NAA11: variants seen among roughly 807,000 people sequenced by gnomAD.
NAA11 encodes the protein N-alpha-acetyltransferase 11, NatA catalytic subunit.
A neutral mutation model predicts 16.1 loss-of-function variants in NAA11; 15 were observed. That is an observed-to-expected ratio of 0.93 (90% CI 0.62 to 1.44). The LOEUF (loss-of-function observed/expected upper bound fraction) is 1.44, where lower values mean the gene tolerates loss of function less well. NAA11 is among the 40% of genes most tolerant of loss of function. The pLI, the probability that NAA11 is intolerant of heterozygous loss-of-function variation, is 0.00. For missense variants in NAA11, 298 were observed against 291.3 expected (o/e 1.02, Z -0.17); for synonymous variants, 122 against 112.4 (o/e 1.09, Z -0.54).
At chr4:79,256,463 G>A (rs575784592) in intron 2 of NAA11, among the ~76,000 whole-genome samples, 66 of 151,852 alleles carry the variant, frequency 4.3e-4, no homozygotes, top group Non-Finnish European at 7.2e-4. Flanking sequence ...GACACTGGTT[G>A]CACCCCTTTG....
At chr4:79,193,543 C>A in the NAA11 span, among the ~76,000 whole-genome samples, 1 of 151,998 alleles carries the variant, frequency 6.6e-6, no homozygotes, top group African/African-American at 2.4e-5. Flanking sequence ...TGTAGATATG[C>A]AGCATTATTT....
chr4:79,169,358 C>T, the NAA11 span, among the ~76,000 whole-genome samples: 1 of 152,114 alleles, frequency 6.6e-6, no homozygotes, highest in Admixed American at 6.5e-5. Flanking sequence ...TCAAACTATA[C>T]TACAAGGCTA....
At position 79,252,221 on chromosome 4, in the gene NAA11, T is replaced by C. The variant is rs146235196; in HGVS notation, c.*123-25951A>G. ...GGAGGGGGAATGAGTGATGAAAAAT[T>C]ACCTACTGGGTACGATGGATACTAC... On this transcript the variant is annotated intron_variant and NMD_transcript_variant, in intron 2 of 2. Coordinates refer to the NAA11 transcript ENST00000511542. 2.4e-3 allele frequency among the ~76,000 whole-genome samples: 368 copies of C among 152,236 alleles called. 4 individuals carry two copies. The highest frequency in any genetic ancestry group is 8.4e-3 in the African/African-American group (347 of 41,530).
the NAA11 span, chr4:79,211,879 C>T: frequency 6.6e-6 from 1 of 152,174 alleles, no homozygotes; most frequent in South Asian, 2.1e-4. Context: ...TGGTAAACTT[C>T]CCCAAAGTTG....
intron 2 of NAA11, among the ~76,000 whole-genome samples, chr4:79,234,476 A>C (rs1033729225): frequency 6.6e-6 from 1 of 152,174 alleles, no homozygotes; most frequent in African/African-American, 2.4e-5. Flanking sequence ...AACTACAGTC[A>C]GGTACTTTGC....
chr4:79,167,901 G>A, the NAA11 span, among the ~76,000 whole-genome samples: 159 of 151,760 alleles, frequency 1.0e-3, no homozygotes, highest in Middle Eastern at 0.01. Flanking sequence ...CTTTAAGTTC[G>A]GGGATACATG....
At chr4:79,224,269 T>C (rs1457764074), downstream of NAA11, among the ~76,000 whole-genome samples, 1 of 152,126 alleles carries the variant, frequency 6.6e-6, no homozygotes, top group Admixed American at 6.6e-5. Flanking sequence ...CTAGTGTCAC[T>C]GGGGTCAAGA....
At chr4:79,199,353 C>T in the NAA11 span, among the ~76,000 whole-genome samples, 53 of 151,936 alleles carry the variant, frequency 3.5e-4, no homozygotes, top group Middle Eastern at 3.4e-3. Flanking sequence ...TCTCAAAAAT[C>T]TCGGAGGCAG....
At chr4:79,265,888 C>T (rs1026810822) in intron 2 of NAA11, among the ~76,000 whole-genome samples, 8 of 152,042 alleles carry the variant, frequency 5.3e-5, no homozygotes, top group African/African-American at 1.9e-4. Flanking sequence ...TTCTTTAGAG[C>T]ACTTTACATC....
chr4:79,193,724 C>A, the NAA11 span, among the ~76,000 whole-genome samples: 2 of 152,122 alleles, frequency 1.3e-5, no homozygotes, highest in Admixed American at 1.3e-4. Context: ...TTTTTGGTTG[C>A]ATATGAACTT....
the NAA11 span, among the ~76,000 whole-genome samples, chr4:79,218,130 G>C: frequency 6.6e-6 from 1 of 152,122 alleles, no homozygotes; most frequent in Non-Finnish European, 1.5e-5. Flanking sequence ...CAGAAAGATT[G>C]AGTTGTCAAA....
chr4:79,226,600 A>C (rs1381854454), intron 2 of NAA11, among the ~76,000 whole-genome samples: 1 of 109,038 alleles, frequency 9.2e-6, no homozygotes, highest in Non-Finnish European at 1.7e-5. Context: ...CACAACAGGC[A>C]CCAGTGGGTG....
Position 79,325,555 on chromosome 4 carries a change from G to A in NAA11, c.323C>T (p.Ser108Phe), listed in dbSNP as rs897397560. Residue 108 changes from serine (S) to phenylalanine (F), a missense_variant, in exon 1 of 2, where the codon TCT (serine) becomes TTT (phenylalanine). Coordinates refer to ENST00000286794, the MANE Select transcript of NAA11 (RefSeq NM_032693.3). ...MIENFNAKYV[S>F]LHVRKSNRPA... ...CCGGTTACTCTTCCTGACGTGCAGAGACACGTATTTGGCGTTAAAGTTCTC... is the reference window on the plus strand; with the variant it reads ...CCGGTTACTCTTCCTGACGTGCAGAAACACGTATTTGGCGTTAAAGTTCTC... 1.2e-6 allele frequency: 2 copies of A among 1,614,002 alleles called. No individual in the cohort carries two copies. Among genetic ancestry groups the A allele is most frequent in the African/African-American group, 1.3e-5 (1 of 74,938 alleles).
chr4:79,261,154 T>C (rs1048068287), intron 2 of NAA11, among the ~76,000 whole-genome samples: 2 of 152,240 alleles, frequency 1.3e-5, no homozygotes, highest in African/African-American at 4.8e-5. Flanking sequence ...ACAAAGACTT[T>C]ATTATACACA....
At chr4:79,216,026 T>G in the NAA11 span, among the ~76,000 whole-genome samples, 1 of 152,184 alleles carries the variant, frequency 6.6e-6, no homozygotes, top group Non-Finnish European at 1.5e-5. Context: ...TTCATTCTCT[T>G]AAGTACTCTG....
At chr4:79,324,425 T>C (rs79624154) in intron 1 of NAA11, among the ~76,000 whole-genome samples, 3,627 of 152,316 alleles carry the variant, frequency 0.024, 170 homozygotes, top group African/African-American at 0.083. Context: ...TTGAGTTTAA[T>C]GTATCTGTAA....
downstream of NAA11, among the ~76,000 whole-genome samples, chr4:79,223,470 G>A (rs1721238400): frequency 7.9e-6 from 1 of 126,070 alleles, no homozygotes; most frequent in African/African-American, 3.0e-5. Flanking sequence ...ACAGGAAGGG[G>A]AATATCACAC....
At chr4:79,156,684 C>A in the NAA11 span, among the ~76,000 whole-genome samples, 1 of 152,332 alleles carries the variant, frequency 6.6e-6, no homozygotes, top group Non-Finnish European at 1.5e-5. Context: ...TGTTTGACCA[C>A]ATATCTGGGC....
chr4:79,231,694 G>A (rs1721470041), intron 2 of NAA11, among the ~76,000 whole-genome samples: 1 of 151,800 alleles, frequency 6.6e-6, no homozygotes, highest in Non-Finnish European at 1.5e-5. Context: ...ATGAGATACA[G>A]TAGGGAGACA....
Sources: gnomAD v4.1 joint callset for allele counts (sites outside exome capture counted in the v4.1 genomes callset) on GRCh38, gnomAD v4.1.1 for gene constraint, MANE v1.5 for transcripts, NCBI Gene and HGNC (gene_info 2026-07-23, HGNC 2026-07-21) for gene names.